The following ACYP2 variants were observed in gnomAD, a reference collection of about 807,000 sequenced individuals.
ACYP2 encodes acylphosphatase 2.
Under a neutral mutation model 11.2 loss-of-function variants are expected in ACYP2, and 12 were observed. The observed-to-expected ratio is 1.08, with a 90% CI of 0.69 to 1.74. ACYP2 has a LOEUF of 1.74. ACYP2 is among the 40% of genes most tolerant of loss of function. The pLI is 0.00. For missense variants in ACYP2, 134 were observed against 101.9 expected, an observed-to-expected ratio of 1.31 and a Z score of -1.35; for synonymous variants, 43 against 32.2, an observed-to-expected ratio of 1.33 and a Z score of -1.13.
At chr2:54,118,582 A>T (rs77452067) in intron 4 of ACYP2, among the ~76,000 whole-genome samples, 7,843 of 152,294 alleles carry the variant, frequency 0.051, 620 homozygotes, top group African/African-American at 0.18. Context: ...TCCCATTATA[A>T]GATGTTATCT....
At chr2:54,153,360 T>C (rs1204917938) in intron 6 of ACYP2, among the ~76,000 whole-genome samples, 1 of 152,130 alleles carries the variant, frequency 6.6e-6, no homozygotes, top group Admixed American at 6.5e-5. Flanking sequence ...GTCAGTACCA[T>C]GCTGTTTTAA....
Position 54,040,880 on chromosome 2 carries a change from T to C in ACYP2, c.63-10078T>C, listed in dbSNP as rs149003484. ...GAAAGAAAGAAATGGAGGTAGTAGC[T>C]GAAAGAGGAAGTGAGGTCAACAGAG... On this transcript the variant is annotated intron_variant, in intron 2 of 6. Transcript: ENST00000607452. Among the ~76,000 whole-genome samples the C allele has an allele frequency of 2.9e-3, 447 of 152,144 alleles. 4 individuals carry two copies. The highest frequency in any genetic ancestry group is 0.011 in the African/African-American group (441 of 41,494).
intron 6 of ACYP2, among the ~76,000 whole-genome samples, chr2:54,139,161 A>G (rs951603744): frequency 2.0e-5 from 3 of 152,260 alleles, no homozygotes; most frequent in East Asian, 1.9e-4. Context: ...TCCAATTTGT[A>G]TGTCCTGTGG....
intron 6 of ACYP2, among the ~76,000 whole-genome samples, chr2:54,210,002 A>T (rs1374226732): frequency 6.6e-6 from 1 of 152,000 alleles, no homozygotes; most frequent in Non-Finnish European, 1.5e-5. Flanking sequence ...TTAGCTGGGC[A>T]TGGTGGCGGG....
At chr2:54,249,388 T>C (rs1200105956) in intron 6 of ACYP2, among the ~76,000 whole-genome samples, 2 of 147,860 alleles carry the variant, frequency 1.4e-5, no homozygotes, top group East Asian at 4.0e-4. Flanking sequence ...TGAGCCAAGA[T>C]CGCGCCACTG....
chr2:54,262,962 G>C (rs1387419523), intron 6 of ACYP2, among the ~76,000 whole-genome samples: 5 of 152,160 alleles, frequency 3.3e-5, no homozygotes, highest in Non-Finnish European at 7.3e-5. Flanking sequence ...GCTCATGCCT[G>C]TGATGCCAGC....
intron 2 of ACYP2, among the ~76,000 whole-genome samples, chr2:54,033,676 A>G (rs1053263217): frequency 6.6e-6 from 1 of 152,226 alleles, no homozygotes; most frequent in African/African-American, 2.4e-5. Context: ...TGACATGATC[A>G]GACCTGCATT....
chr2:54,158,399 T>A (rs185528105), intron 6 of ACYP2, among the ~76,000 whole-genome samples: 68 of 151,904 alleles, frequency 4.5e-4, no homozygotes, highest in Admixed American at 3.3e-3. Flanking sequence ...AGAGACGGGG[T>A]CTCACTGTGT....
intron 6 of ACYP2, among the ~76,000 whole-genome samples, chr2:54,273,823 C>A (rs1359080627): frequency 6.6e-6 from 1 of 152,146 alleles, no homozygotes; most frequent in Non-Finnish European, 1.5e-5. Flanking sequence ...ACCTTCCTGC[C>A]CTCCACCTCA....
chr2:54,254,999 C>T lies in ACYP2; in HGVS notation c.405-49689C>T, dbSNP rs116250981. ...CGACGTCTAGCTCTATGGGCGTCTT[C>T]ACCCAACAGGTAGTACTGCAGTGGA... On this transcript the variant is annotated intron_variant, in intron 6 of 6. Coordinates refer to ENST00000607452, the MANE Select transcript of ACYP2 (RefSeq NM_001320586.2). 1.6e-4 allele frequency: 266 copies of T among 1,614,096 alleles called. No homozygotes were observed. The African/African-American group carries it at 3.2e-3, about 19-fold the overall frequency.
At chr2:54,149,070 A>G (rs1373472574) in intron 6 of ACYP2, among the ~76,000 whole-genome samples, 1 of 152,218 alleles carries the variant, frequency 6.6e-6, no homozygotes, top group African/African-American at 2.4e-5. Context: ...GGGCAACATG[A>G]TGAAACCCCA....
chr2:54,155,843 T>C (rs1682408818), intron 6 of ACYP2, among the ~76,000 whole-genome samples: 1 of 152,232 alleles, frequency 6.6e-6, no homozygotes, highest in African/African-American at 2.4e-5. Flanking sequence ...TAGTAACATG[T>C]TAATTTCCAC....
chr2:54,072,522 C>T (rs1226960874), intron 4 of ACYP2, among the ~76,000 whole-genome samples: 5 of 138,002 alleles, frequency 3.6e-5, no homozygotes, highest in East Asian at 4.2e-4. Flanking sequence ...TTTCTTTCTT[C>T]TTTCTTTCTT....
chr2:54,003,661 C>G (rs1022356313), intron 2 of ACYP2, among the ~76,000 whole-genome samples: 5 of 152,048 alleles, frequency 3.3e-5, no homozygotes, highest in Admixed American at 3.3e-4. Context: ...TTTTTTTCCC[C>G]CAGTTTTGGC....
In ACYP2 at chr2:54,134,680, C is replaced by T. The variant is rs573487827; in HGVS notation, c.278-773C>T. ...TAAAAGAAACTAATTTTCAAAAACA[C>T]TTTCTAAATATATTCAGAGTAAACA... On this transcript the variant is annotated intron_variant, in intron 4 of 6. Coordinates refer to ENST00000607452, the MANE Select transcript of ACYP2 (RefSeq NM_001320586.2). 2.2e-3 allele frequency among the ~76,000 whole-genome samples: 341 copies of T among 152,330 alleles called. 4 individuals are homozygous for T. The highest frequency in any genetic ancestry group is 7.6e-3 in the African/African-American group (317 of 41,584).
chr2:54,163,140 C>T (rs1200541270), intron 6 of ACYP2, among the ~76,000 whole-genome samples: 1 of 152,160 alleles, frequency 6.6e-6, no homozygotes, highest in Non-Finnish European at 1.5e-5. Context: ...AACTCCCAAA[C>T]AGTATGGATT....
chr2:54,145,598 C>G (rs1215537893), intron 6 of ACYP2, among the ~76,000 whole-genome samples: 1 of 152,062 alleles, frequency 6.6e-6, no homozygotes, highest in Non-Finnish European at 1.5e-5. Context: ...ATTCTTGTTT[C>G]ATATATTCCT....
At chr2:54,226,620 AAAGAGAGAATACTGGAAG>A in intron 6 of ACYP2, among the ~76,000 whole-genome samples, 1 of 152,232 alleles carries the variant, frequency 6.6e-6, no homozygotes, top group East Asian at 1.9e-4. Flanking sequence ...AAGTGAAAGC[AAAGAGAGAATACTGGAAG>A]ATGTGACAGA....
intron 6 of ACYP2, among the ~76,000 whole-genome samples, chr2:54,304,313 TGAG>T (rs1359900107): frequency 6.6e-6 from 1 of 151,882 alleles, no homozygotes; most frequent in Non-Finnish European, 1.5e-5. Context: ...TGCTGAGTAA[TGAG>T]GAAACAATAG....
Sources: gnomAD v4.1 joint callset for allele counts (sites outside exome capture counted in the v4.1 genomes callset) on GRCh38, gnomAD v4.1.1 for gene constraint, MANE v1.5 for transcripts, NCBI Gene and HGNC (gene_info 2026-07-23, HGNC 2026-07-21) for gene names.